RASGRF2: variants seen among roughly 807,000 people sequenced by gnomAD.
RASGRF2 encodes Ras protein specific guanine nucleotide releasing factor 2.
RASGRF2 carries 76 observed loss-of-function variants against 151.0 expected under a neutral mutation model. That is an observed-to-expected ratio of 0.50 (90% CI 0.42 to 0.61). The LOEUF (loss-of-function observed/expected upper bound fraction) is 0.61. Ranked by LOEUF, RASGRF2 falls within the 20% of genes least tolerant of loss-of-function variation. RASGRF2 has a pLI of 0.00. For synonymous variants in RASGRF2, 504 were observed against 566.5 expected (o/e 0.89, Z 1.57); for missense variants, 1,148 against 1,564.6 (o/e 0.73, Z 4.49).
At chr5:81,196,754 G>T (rs1476970537) in intron 18 of RASGRF2, among the ~76,000 whole-genome samples, 1 of 152,022 alleles carries the variant, frequency 6.6e-6, no homozygotes, top group Non-Finnish European at 1.5e-5. Flanking sequence ...GTGCATTTAT[G>T]ATAATCAGAT....
intron 5 of RASGRF2, among the ~76,000 whole-genome samples, chr5:81,074,018 G>T (rs1249540711): frequency 2.0e-5 from 3 of 152,166 alleles, no homozygotes; most frequent in Non-Finnish European, 1.5e-5. Flanking sequence ...GGAGATGTGT[G>T]TTGGGGAATA....
intron 1 of RASGRF2, among the ~76,000 whole-genome samples, chr5:81,034,864 G>A (rs899528296): frequency 2.6e-5 from 4 of 151,362 alleles, no homozygotes; most frequent in Non-Finnish European, 4.4e-5. Context: ...AAGTTAGTGG[G>A]TGCAGTGCAC....
chr5:81,153,029 G>A (rs1383051250), intron 17 of RASGRF2, among the ~76,000 whole-genome samples: 1 of 152,058 alleles, frequency 6.6e-6, no homozygotes, highest in Non-Finnish European at 1.5e-5. Flanking sequence ...GATTCTGGGT[G>A]GGGCATGGAA....
chr5:81,112,135 G>C (rs1280001885), intron 13 of RASGRF2, among the ~76,000 whole-genome samples: 1 of 152,016 alleles, frequency 6.6e-6, no homozygotes, highest in East Asian at 1.9e-4. Context: ...TCATAGCCCT[G>C]CCTATGCCTA....
chr5:81,201,713 G>C (rs973776062), intron 19 of RASGRF2, among the ~76,000 whole-genome samples: 1 of 152,176 alleles, frequency 6.6e-6, no homozygotes, highest in Admixed American at 6.5e-5. Flanking sequence ...AACAGTTAAA[G>C]AAAGGAACCC....
At chr5:81,217,305 A>C (rs1755759645) in intron 24 of RASGRF2, 51 bp from the exon 25 acceptor site, 2 of 1,547,876 alleles carry the variant, frequency 1.3e-6, no homozygotes, top group Non-Finnish European at 1.7e-6. Flanking sequence ...TGGGGAGGGA[A>C]ATAGACATTT....
intron 4 of RASGRF2, among the ~76,000 whole-genome samples, chr5:81,072,121 A>G (rs1025169513): frequency 6.6e-6 from 1 of 152,206 alleles, no homozygotes; most frequent in Non-Finnish European, 1.5e-5. Flanking sequence ...ACAATGAATG[A>G]ATCGTTTCTC....
intron 7 of RASGRF2, among the ~76,000 whole-genome samples, chr5:81,083,486 A>T (rs1378877051): frequency 6.6e-6 from 1 of 152,102 alleles, no homozygotes; most frequent in Non-Finnish European, 1.5e-5. Context: ...TTTTTGAGTT[A>T]GTCAGTTGCT....
At chr5:81,027,558 A>G (rs115485631) in intron 1 of RASGRF2, among the ~76,000 whole-genome samples, 1,617 of 152,322 alleles carry the variant, frequency 0.011, 29 homozygotes, top group African/African-American at 0.038. Context: ...TTTGGTAGTT[A>G]CAGTTAAGAG....
At chr5:81,040,477 G>A (rs890338592) in intron 1 of RASGRF2, among the ~76,000 whole-genome samples, 4 of 152,194 alleles carry the variant, frequency 2.6e-5, no homozygotes, top group African/African-American at 9.7e-5. Context: ...GAGCATTAAC[G>A]TTTCTGATGC....
At chr5:81,028,617 T>C (rs10077315) in intron 1 of RASGRF2, among the ~76,000 whole-genome samples, 17,314 of 152,156 alleles carry the variant, frequency 0.11, 1,233 homozygotes, top group Non-Finnish European at 0.16. Flanking sequence ...CAGGTAGATA[T>C]GAAAATGATT....
chr5:81,166,335 G>A (rs1275829597), intron 17 of RASGRF2, among the ~76,000 whole-genome samples: 1 of 151,902 alleles, frequency 6.6e-6, no homozygotes, highest in Non-Finnish European at 1.5e-5. Flanking sequence ...TTACAGGCGC[G>A]TGCCACGACA....
intron 1 of RASGRF2, among the ~76,000 whole-genome samples, chr5:80,979,183 C>G (rs988687799): frequency 1.3e-5 from 2 of 152,118 alleles, no homozygotes; most frequent in South Asian, 2.1e-4. Context: ...TACTCAAGAA[C>G]TATTTTATTT....
intron 2 of RASGRF2, among the ~76,000 whole-genome samples, chr5:81,055,361 C>G (rs1751164232): frequency 1.3e-5 from 2 of 152,114 alleles, no homozygotes; most frequent in Admixed American, 1.3e-4. Context: ...TGTCAAAGGC[C>G]TCTTCTGGAT....
At chr5:80,996,325 G>C (rs502261) in intron 1 of RASGRF2, among the ~76,000 whole-genome samples, 68,915 of 150,984 alleles carry the variant, frequency 0.46, 16,192 homozygotes, top group African/African-American at 0.57. Context: ...CTCTCTCTGT[G>C]TGTGTGATAA....
At chr5:81,003,439 G>A (rs1487169110) in intron 1 of RASGRF2, among the ~76,000 whole-genome samples, 1 of 152,086 alleles carries the variant, frequency 6.6e-6, no homozygotes, top group Non-Finnish European at 1.5e-5. Flanking sequence ...TAGCCAGGAT[G>A]GTCTCGATCT....
intron 1 of RASGRF2, among the ~76,000 whole-genome samples, chr5:81,007,780 C>T (rs1223932054): frequency 6.6e-6 from 1 of 152,096 alleles, no homozygotes; most frequent in Non-Finnish European, 1.5e-5. Flanking sequence ...ATGTATTGTT[C>T]TTCAAAGGAG....
chr5:81,051,586 T>G (rs555768894), intron 2 of RASGRF2, among the ~76,000 whole-genome samples: 5 of 152,200 alleles, frequency 3.3e-5, no homozygotes, highest in Non-Finnish European at 4.4e-5. Flanking sequence ...CTACAAACAT[T>G]TTGTGTCTGA....
chr5:81,072,868 A>G (rs1751821189), intron 4 of RASGRF2, among the ~76,000 whole-genome samples: 1 of 152,178 alleles, frequency 6.6e-6, no homozygotes, highest in Non-Finnish European at 1.5e-5. Flanking sequence ...TAGATGAAGA[A>G]ACAGAGAATC....
Sources: allele counts gnomAD v4.1 joint callset (sites outside exome capture counted in the v4.1 genomes callset), GRCh38; gene constraint gnomAD v4.1.1; transcripts MANE v1.5; gene names NCBI Gene and HGNC (gene_info 2026-07-23, HGNC 2026-07-21).